PPM1A: variants seen among roughly 807,000 people sequenced by gnomAD.
PPM1A encodes protein phosphatase 1A.
In PPM1A, 7 loss-of-function variants were observed where a neutral mutation model predicts 35.0. The ratio of observed to expected loss-of-function variants is 0.20; its 90% CI spans 0.11 to 0.38. PPM1A has a LOEUF of 0.38. PPM1A is among the 10% of genes least tolerant of loss of function. The pLI is 1.00. For missense variants in PPM1A, 239 were observed against 467.8 expected (o/e 0.51, Z 4.51); for synonymous variants, 153 against 167.3 (o/e 0.91, Z 0.66).
At position 60,298,541 on chromosome 14, in the gene PPM1A, G is replaced by C. The variant is rs979017256; in HGVS notation, c.*6059G>C. 4.6e-5 allele frequency: 7 copies of C among 151,658 alleles called. No homozygotes were observed. The highest frequency in any genetic ancestry group is 4.6e-4 in the Admixed American group (7 of 15,196). 9.4% of individuals were successfully genotyped at this position (151,658 alleles called of 1,614,324 possible). A position where few individuals can be genotyped will look rare whatever the true frequency, so the allele number is the denominator to read the frequency against. ...CAGCTTATTTAATTCCCATTTGTGG[G>C]ACTTCTGGAACATAGAAACCATTAT... On this transcript the variant is annotated 3_prime_UTR_variant, in exon 6 of 6. Coordinates refer to ENST00000395076, the MANE Select transcript of PPM1A (RefSeq NM_021003.5).
chr14:60,275,915 A>G (rs1471002322), intron 1 of PPM1A, among the ~76,000 whole-genome samples: 5 of 150,472 alleles, frequency 3.3e-5, no homozygotes, highest in Non-Finnish European at 5.9e-5. Context: ...TACCATAGAT[A>G]ACTTTGAGAT....
chr14:60,246,063 GAATT>G, upstream of PPM1A: 1 of 1,495,480 alleles, frequency 6.7e-7, no homozygotes, highest in Non-Finnish European at 9.1e-7. Flanking sequence ...AGGGAGGAAG[GAATT>G]GTTGAACCTA....
chr14:60,252,325 A>G (rs915014756), intron 1 of PPM1A, among the ~76,000 whole-genome samples: 2 of 152,214 alleles, frequency 1.3e-5, no homozygotes, highest in Admixed American at 6.5e-5. Context: ...ACAAGGTGAT[A>G]TTTTGATGAT....
At chr14:60,269,709 C>T (rs149579408) in intron 1 of PPM1A, among the ~76,000 whole-genome samples, 2,280 of 152,092 alleles carry the variant, frequency 0.015, 27 homozygotes, top group South Asian at 0.052. Context: ...TTATTATGCC[C>T]GGCTAATTTT....
At chr14:60,287,647 C>T in intron 3 of PPM1A, 1 of 985,250 alleles carries the variant, frequency 1.0e-6, no homozygotes, top group Admixed American at 6.2e-5. Context: ...ACATTTTTGG[C>T]TTCTCTGTCC....
At chr14:60,270,788 TA>T (rs1884991513) in intron 1 of PPM1A, among the ~76,000 whole-genome samples, 2 of 152,252 alleles carry the variant, frequency 1.3e-5, no homozygotes, top group South Asian at 4.1e-4. Flanking sequence ...TTTGTCCTAT[TA>T]ACCTGTTACA....
At chr14:60,247,627 C>CAAAAAAAAAAA (rs58749853), upstream of PPM1A, among the ~76,000 whole-genome samples, 2 of 50,142 alleles carry the variant, frequency 4.0e-5, no homozygotes, top group African/African-American at 1.4e-4. Context: ...GACTCTGTCT[C>CAAAAAAAAAAA]AAAAAAAAAA....
At chr14:60,284,722 C>CATATATAT (rs752315572) in intron 2 of PPM1A, among the ~76,000 whole-genome samples, 2 of 112,428 alleles carry the variant, frequency 1.8e-5, no homozygotes, top group East Asian at 4.5e-4. Flanking sequence ...TATATATATA[C>CATATATAT]ATATATATAT....
At chr14:60,287,819 ATATATT>A in intron 3 of PPM1A, 1 of 983,258 alleles carries the variant, frequency 1.0e-6, no homozygotes, top group Non-Finnish European at 1.2e-6. Context: ...ACTTTTGTGT[ATATATT>A]TTCAAAATCT....
intron 1 of PPM1A, among the ~76,000 whole-genome samples, chr14:60,279,448 C>T (rs1452232079): frequency 6.6e-6 from 1 of 152,226 alleles, no homozygotes; most frequent in Non-Finnish European, 1.5e-5. Flanking sequence ...AGTTTACACA[C>T]AACCCAGCTG....
chr14:60,259,621 C>A lies in PPM1A; in HGVS notation c.-21+9944C>A, dbSNP rs560954408. 1.6e-3 allele frequency among the ~76,000 whole-genome samples: 242 copies of A among 152,104 alleles called. 2 individuals are homozygous for A. Among genetic ancestry groups the A allele is most frequent in the African/African-American group, 5.7e-3 (238 of 41,532 alleles). ...CTGTCTATAGATAACTTGGATAAGA[C>A]AAGTTATCCAAAACTGATAAATCTG... On this transcript the variant is annotated intron_variant, in intron 1 of 5. Transcript: ENST00000395076.
In PPM1A at chr14:60,249,899, G is replaced by C. The variant is rs1344554646; in HGVS notation, c.-21+222G>C. ...CGAGGGCGGTGGCGGGGAGGCGGGG[G>C]CGGGGTGTTAGTTGCGGTGGCGCGG... On this transcript the variant is annotated intron_variant, in intron 1 of 5. Transcript: ENST00000395076. This position sits in a 1 kb window ranked among gnomAD's most constrained non-coding sequence, Gnocchi z 4.5. Among the ~76,000 whole-genome samples the C allele has an allele frequency of 6.6e-6, 1 of 151,422 alleles. No homozygotes were observed. Among genetic ancestry groups the C allele is most frequent in the Non-Finnish European group, 1.5e-5 (1 of 67,704 alleles).
chr14:60,264,599 A>T (rs1452166655), intron 1 of PPM1A, among the ~76,000 whole-genome samples: 2 of 152,190 alleles, frequency 1.3e-5, no homozygotes, highest in African/African-American at 4.8e-5. Context: ...CCTCTTTGAA[A>T]TACATTGTTG....
Position 60,249,762 on chromosome 14 carries a change from A to G in PPM1A, c.-21+85A>G, listed in dbSNP as rs1252759242. The G allele has an allele frequency of 6.8e-6, 6 of 880,220 alleles. No homozygotes were observed. In the African/African-American group the frequency reaches 7.3e-5, roughly 11 times the overall value. The allele number at this position is 880,220 out of a possible 1,614,324, so 54.5% of individuals were successfully genotyped here. ...GGCGGCGGGCAGGCCTGGGGCCTGT[A>G]AACAAGCCGGGCGTCTGCCCGGGCG... On this transcript the variant is annotated intron_variant, in intron 1 of 5. Transcript: ENST00000395076. The surrounding 1 kb of genome is among the most constrained non-coding windows in gnomAD (Gnocchi z 4.5).
At position 60,278,033 on chromosome 14, in the gene PPM1A, G is replaced by GGT. The variant is rs201141784; in HGVS notation, c.-20-4650_-20-4649dup. Among the ~76,000 whole-genome samples the GGT allele has an allele frequency of 6.8e-3, 1,034 of 152,162 alleles. 20 individuals carry two copies. Among genetic ancestry groups the GGT allele is most frequent in the African/African-American group, 0.024 (976 of 41,480 alleles). On this transcript the variant is annotated intron_variant, in intron 1 of 5. Transcript: ENST00000395076. ...CTTAGTTTCTTCATGAGTAAAACAGGGTACCTATCTTTTAGGATTGGTGTG... is the reference window on the plus strand; with the variant it reads ...CTTAGTTTCTTCATGAGTAAAACAGGGTGTACCTATCTTTTAGGATTGGTGTG...
rs146107759 is a variant in PPM1A, at chr14:60,256,358, G to A, written c.-21+6681G>A. On this transcript the variant is annotated intron_variant, in intron 1 of 5. Transcript: ENST00000395076. ...CTGAGCAGGGGAATTGCTTGAACCC[G>A]GGAGGCACAGGTTGCAGTGAGCCAA... Among the ~76,000 whole-genome samples, 10 of 152,294 alleles carry A rather than the reference G, an allele frequency of 6.6e-5. No individual in the cohort carries two copies. The East Asian group carries it at 9.6e-4, about 15-fold the overall frequency.
rs1209315073 is a variant in PPM1A at position 60,249,841 on chromosome 14, C to G, written c.-21+164C>G. ...CCCCTGGCCGGCCTCCTCCCCCGAG[C>G]CGGGCGGCGGACGGCGAGGGGTTAA... On this transcript the variant is annotated intron_variant, in intron 1 of 5. Coordinates refer to ENST00000395076, the MANE Select transcript of PPM1A (RefSeq NM_021003.5). This position sits in a 1 kb window ranked among gnomAD's most constrained non-coding sequence, Gnocchi z 4.5. Among the ~76,000 whole-genome samples the G allele has an allele frequency of 1.3e-5, 2 of 151,392 alleles. No homozygotes were observed. The highest frequency in any genetic ancestry group is 1.9e-4 in the East Asian group (1 of 5,140).
intron 1 of PPM1A, chr14:60,256,806 T>C (rs7148697): frequency 0.33 from 50,169 of 152,128 alleles, 8,636 homozygotes; most frequent in South Asian, 0.44. Flanking sequence ...GCCTAATACA[T>C]GTTCTTGGAC....
intron 2 of PPM1A, 108 bp from the exon 3 acceptor site, chr14:60,285,516 C>T (rs1886918502): frequency 3.3e-6 from 4 of 1,217,378 alleles, no homozygotes; most frequent in African/African-American, 1.5e-5. Flanking sequence ...CTGAAAGTAA[C>T]ATTTTCACTA....
Sources: gnomAD v4.1 joint callset for allele counts (sites outside exome capture counted in the v4.1 genomes callset) on GRCh38, gnomAD v4.1.1 for gene constraint, Gnocchi (gnomAD v3.1) non-coding constraint, MANE v1.5 for transcripts, NCBI Gene and HGNC (gene_info 2026-07-23, HGNC 2026-07-21) for gene names.